ELN: variants seen among roughly 807,000 people sequenced by gnomAD.
The protein encoded by ELN is tropoelastin.
A neutral mutation model predicts 105.8 loss-of-function variants in ELN; 65 were observed. That is an observed-to-expected ratio of 0.61 (90% confidence interval 0.50 to 0.75). The LOEUF is 0.75. Among genes scored for constraint, ELN ranks in the 30% least tolerant of loss-of-function variants. The pLI is 0.00. For synonymous variants in ELN, 368 were observed against 389.2 expected, an observed-to-expected ratio of 0.95 and a Z score of 0.64; for missense variants, 882 against 969.4, an observed-to-expected ratio of 0.91 and a Z score of 1.20.
intron 1 of ELN, among the ~76,000 whole-genome samples, chr7:74,029,591 C>T (rs540596007): frequency 1.4e-4 from 21 of 152,122 alleles, no homozygotes; most frequent in Admixed American, 2.6e-4. Flanking sequence ...CAGCTGTTTC[C>T]GTGAGATTGA....
In ELN at chr7:74,069,865, C is replaced by A. The variant is rs981908109; in HGVS notation, c.*1165C>A. 5.2e-6 allele frequency: 1 copy of A among 192,682 alleles called. No individual in the cohort carries two copies. The highest frequency in any genetic ancestry group is 2.3e-5 in the African/African-American group (1 of 42,810). 11.9% of individuals were successfully genotyped at this position (192,682 alleles called of 1,614,324 possible). ...TTTTTTAATAAGAAAAGAGAATTAACTGCTTCAGAAATGACTAATAAATGA... is the reference window on the plus strand; with the variant it reads ...TTTTTTAATAAGAAAAGAGAATTAAATGCTTCAGAAATGACTAATAAATGA... On this transcript the variant is annotated 3_prime_UTR_variant, in exon 33 of 33. Transcript: ENST00000252034.
chr7:74,063,228 A>G lies in ELN; in HGVS notation c.1858+4A>G. ...GGCATCCCAGGCGGTGTGGTGGGTG[A>G]GTTGAAACCCCAGGAGGGGCAGGGT... On this transcript the variant is annotated splice_donor_region_variant and intron_variant, in intron 27 of 32. Coordinates refer to ENST00000252034, the MANE Select transcript of ELN (RefSeq NM_000501.4). The surrounding 1 kb of genome is among the most constrained non-coding windows in gnomAD (Gnocchi z 4.1). 3 of 1,605,862 alleles carry G rather than the reference A, an allele frequency of 1.9e-6. No homozygotes were observed. Among genetic ancestry groups the G allele is most frequent in the Non-Finnish European group, 2.5e-6 (3 of 1,177,612 alleles).
chr7:74,046,730 C>T lies in ELN; in HGVS notation c.606C>T (p.Val202=), dbSNP rs972109557. 1 of 1,614,182 alleles carries T rather than the reference C, an allele frequency of 6.2e-7. No homozygotes were observed. Residue 202 remains valine (V), a synonymous_variant, in exon 12 of 33, where the codon GTC becomes GTT. Transcript: ENST00000252034. ...CCTTTGGGGGACCGCAACCTGGAGT[C>T]CCACTGGGGTATCCCATCAAGGCCC... ...VGPFGGPQPG[V]PLGYPIKAPK... is the part of the protein sequence containing the mutation.
In ELN at chr7:74,066,283, T is replaced by C. The variant is rs186130530; in HGVS notation, c.2086+286T>C. On this transcript the variant is annotated intron_variant, in intron 31 of 32. Coordinates refer to ENST00000252034, the MANE Select transcript of ELN (RefSeq NM_000501.4). ...GCCACTCTGGCTGTAGTGAGGGGGA[T>C]TGGCTGGGCGTGGTGGCTCACGCCT... Among the ~76,000 whole-genome samples the C allele has an allele frequency of 7.0e-4, 106 of 152,270 alleles. 1 individual carries two copies. The highest frequency in any genetic ancestry group is 1.2e-3 in the Non-Finnish European group (80 of 68,020).
chr7:74,056,109 A>G (rs1448242761), intron 19 of ELN, among the ~76,000 whole-genome samples, 162 bp from the exon 20 acceptor site: 1 of 152,108 alleles, frequency 6.6e-6, no homozygotes, highest in African/African-American at 2.4e-5. Flanking sequence ...TAAAGGCTTC[A>G]TGGTGGAGGT....
chr7:74,046,218 G>T lies in ELN; in HGVS notation c.571+1G>T. The stretch of plus-strand genomic sequence containing the variant: ...GGTGGAGCTTTTGCTGGAATCCCAG[G>T]TGAGGCAAGGCTGGTGGGAGAAGCA... On this transcript the variant is annotated splice_donor_variant, in intron 11 of 32. Coordinates refer to ENST00000252034, the MANE Select transcript of ELN (RefSeq NM_000501.4). LOFTEE classifies it high-confidence loss of function. 1 of 1,614,182 alleles carries T rather than the reference G, an allele frequency of 6.2e-7. No individual in the cohort carries two copies. The highest frequency in any genetic ancestry group is 1.1e-5 in the South Asian group (1 of 91,088).
chr7:74,047,998 T>C (rs754273266), intron 13 of ELN, 144 bp from the exon 14 acceptor site: 50 of 1,007,328 alleles, frequency 5.0e-5, no homozygotes, highest in Non-Finnish European at 7.8e-5. Flanking sequence ...ACTCCATACA[T>C]GTGTTTGTAT....
intron 4 of ELN, among the ~76,000 whole-genome samples, chr7:74,040,234 C>G (rs572333443): frequency 6.6e-6 from 1 of 152,354 alleles, no homozygotes; most frequent in South Asian, 2.1e-4. Flanking sequence ...TGAGCATGTC[C>G]CTTGCCCTCT....
chr7:74,046,837 A>G, intron 12 of ELN, 70 bp downstream of exon 12: 9 of 1,563,464 alleles, frequency 5.8e-6, no homozygotes, highest in Non-Finnish European at 7.9e-6. Flanking sequence ...TAATCCCAGC[A>G]CTTTGGGAGG....
chr7:74,066,020 C>T (rs373405518), intron 31 of ELN, 23 bp downstream of exon 31: 38 of 1,613,892 alleles, frequency 2.4e-5, no homozygotes, highest in Middle Eastern at 1.6e-4. Flanking sequence ...AGCTCTGCTA[C>T]GTAGTCCTCA....
At chr7:74,049,325 T>C (rs1793345894) in intron 15 of ELN, among the ~76,000 whole-genome samples, 1 of 150,530 alleles carries the variant, frequency 6.6e-6, no homozygotes, top group Non-Finnish European at 1.5e-5. Context: ...CTTCCATCCA[T>C]CAATCCCTCC....
intron 2 of ELN, among the ~76,000 whole-genome samples, chr7:74,036,248 C>T (rs572731611): frequency 1.3e-5 from 2 of 151,872 alleles, no homozygotes; most frequent in South Asian, 2.1e-4. Context: ...GAGCCGAGAT[C>T]GCGCCACTGC....
Position 74,069,696 on chromosome 7 carries a change from T to G in ELN, c.*996T>G. 4.3e-6 allele frequency: 1 copy of G among 232,376 alleles called. No individual in the cohort carries two copies. Among genetic ancestry groups the G allele is most frequent in the Non-Finnish European group, 8.5e-6 (1 of 117,384 alleles). The allele number at this position is 232,376 out of a possible 1,614,324, so 14.4% of individuals were successfully genotyped here. A position where few individuals can be genotyped will look rare whatever the true frequency, so the allele number is the denominator to read the frequency against. On this transcript the variant is annotated 3_prime_UTR_variant, in exon 33 of 33. Transcript: ENST00000252034. ...GTCCTGGATATTTGGGGATTATTTT[T>G]GATTGTTGATATTCTCTTTTGGTTT...
rs1161175012 is a variant in ELN at position 74,043,333 on chromosome 7, G to A, written c.427+165G>A. 5 of 1,086,460 alleles carry A rather than the reference G, an allele frequency of 4.6e-6. No individual in the cohort carries two copies. The African/African-American group carries it at 7.8e-5, about 17-fold the overall frequency. 67.3% of individuals were successfully genotyped at this position (1,086,460 alleles called of 1,614,324 possible). A position where few individuals can be genotyped will look rare whatever the true frequency, so the allele number is the denominator to read the frequency against. On this transcript the variant is annotated intron_variant, in intron 8 of 32. Transcript: ENST00000252034. Reference sequence around the variant, plus strand: ...GCTGGTGCCTGCGTCTGTGAAATGGGGAGGAGGGGCCTGGCCCACTTCCCG... The same window carrying A: ...GCTGGTGCCTGCGTCTGTGAAATGGAGAGGAGGGGCCTGGCCCACTTCCCG...
chr7:74,034,544 CA>C (rs569181807), intron 1 of ELN, among the ~76,000 whole-genome samples: 1 of 152,046 alleles, frequency 6.6e-6, no homozygotes, highest in Non-Finnish European at 1.5e-5. Context: ...CCCATCTTTA[CA>C]AAAAAATCAA....
Position 74,063,187 on chromosome 7 carries a change from G to T in ELN, c.1821G>T (p.Gly607=). The part of the protein sequence containing the change: ...AAVPGVLGGL[G]ALGGVGIPGG... ...TGCCTGGGGTCCTTGGAGGGCTCGG[G>T]GCTCTCGGTGGAGTAGGCATCCCAG... The change falls in exon 27 of 33, where the codon GGG becomes GGT. Residue 607 remains glycine, a synonymous_variant. Coordinates refer to ENST00000252034, the MANE Select transcript of ELN (RefSeq NM_000501.4). The surrounding 1 kb of genome is among the most constrained non-coding windows in gnomAD (Gnocchi z 4.1). 6.2e-7 allele frequency: 1 copy of T among 1,609,750 alleles called. No individual in the cohort carries two copies. The highest frequency in any genetic ancestry group is 1.7e-5 in the Admixed American group (1 of 59,348).
In ELN at chr7:74,048,063, C is replaced by T. The variant is rs55886810; in HGVS notation, c.686-79C>T. On this transcript the variant is annotated intron_variant, in intron 13 of 32. Transcript: ENST00000252034. ...TGCAGACTCAGGACAGCTTGGGCCCCGAGGGCAGAGCAGGGGGAGGGGGAG... is the reference window on the plus strand; with the variant it reads ...TGCAGACTCAGGACAGCTTGGGCCCTGAGGGCAGAGCAGGGGGAGGGGGAG... 5.4e-5 allele frequency: 86 copies of T among 1,582,338 alleles called. No individual in the cohort carries two copies. The South Asian group carries it at 6.4e-4, about 12-fold the overall frequency.
At chr7:74,043,721 AGGAGG>A (rs1337277452) in intron 8 of ELN, 153 bp from the exon 9 acceptor site, 44 of 846,938 alleles carry the variant, frequency 5.2e-5, no homozygotes, top group Admixed American at 4.1e-5. Context: ...AACTCGTGGG[AGGAGG>A]GTTGTGGCCA....
chr7:74,064,179 G>A (rs573341748), intron 29 of ELN, among the ~76,000 whole-genome samples: 22 of 151,850 alleles, frequency 1.4e-4, no homozygotes, highest in Admixed American at 4.6e-4. Context: ...AGCACTTTGG[G>A]AGGCTGAGGT....
Sources: gnomAD v4.1 joint callset for allele counts (sites outside exome capture counted in the v4.1 genomes callset) on GRCh38, gnomAD v4.1.1 for gene constraint, Gnocchi (gnomAD v3.1) non-coding constraint, MANE v1.5 for transcripts, NCBI Gene and HGNC (gene_info 2026-07-23, HGNC 2026-07-21) for gene names.